The following LARGE1 variants were observed in gnomAD, a reference collection of about 807,000 sequenced individuals.
The protein encoded by LARGE1 is LARGE xylosyl- and glucuronyltransferase 1, also known as xylosyl- and glucuronyltransferase LARGE1.
Under a neutral mutation model 87.6 loss-of-function variants are expected in LARGE1, and 43 were observed. The ratio of observed to expected loss-of-function variants is 0.49; its 90% CI spans 0.38 to 0.63. LARGE1 has a LOEUF of 0.63. Among genes scored for constraint, LARGE1 ranks in the 30% least tolerant of loss-of-function variants. LARGE1 has a pLI of 0.00. For synonymous variants in LARGE1, 434 were observed against 394.6 expected (o/e 1.10, Z -1.18); for missense variants, 802 against 1,000.2 (o/e 0.80, Z 2.67).
chr22:33,506,481 G>A (rs1358096334), intron 6 of LARGE1, among the ~76,000 whole-genome samples: 2 of 152,176 alleles, frequency 1.3e-5, no homozygotes, highest in Non-Finnish European at 2.9e-5. Context: ...GAGGAGCTGA[G>A]AAAGGGGCAT....
intron 7 of LARGE1, among the ~76,000 whole-genome samples, chr22:33,420,953 C>T (rs977182178): frequency 5.3e-5 from 8 of 152,076 alleles, no homozygotes; most frequent in African/African-American, 1.9e-4. Context: ...TTTGGGAGGC[C>T]GAGGGGGGTG....
chr22:33,660,878 C>T (rs1029692915), intron 2 of LARGE1, among the ~76,000 whole-genome samples: 1 of 152,146 alleles, frequency 6.6e-6, no homozygotes, highest in African/African-American at 2.4e-5. Flanking sequence ...TTTTTTAAAA[C>T]CTTTGCAATA....
chr22:33,726,025 C>A (rs1201544141), intron 2 of LARGE1: 1 of 151,762 alleles, frequency 6.6e-6, no homozygotes, highest in Non-Finnish European at 1.5e-5. Flanking sequence ...CTCCCTGCCC[C>A]CCATAAGGAA....
chr22:33,883,607 C>T (rs2146776048), intron 1 of LARGE1, among the ~76,000 whole-genome samples: 1 of 152,382 alleles, frequency 6.6e-6, no homozygotes, highest in South Asian at 2.1e-4. Context: ...GTCATCCTCT[C>T]CCAATACTTT....
intron 1 of LARGE1, among the ~76,000 whole-genome samples, chr22:33,902,457 C>T (rs1257876014): frequency 2.6e-5 from 4 of 152,212 alleles, no homozygotes; most frequent in Admixed American, 6.5e-5. Flanking sequence ...AATTCCAACA[C>T]GGCAGCACTG....
chr22:33,711,886 C>T (rs1305429767), intron 2 of LARGE1, among the ~76,000 whole-genome samples: 2 of 152,122 alleles, frequency 1.3e-5, no homozygotes, highest in Non-Finnish European at 2.9e-5. Context: ...CTCTTGAACT[C>T]CCGGCCTCAA....
intron 2 of LARGE1, among the ~76,000 whole-genome samples, chr22:33,655,402 G>C (rs2080931572): frequency 6.6e-6 from 1 of 152,030 alleles, no homozygotes. Context: ...GATCTTCCTG[G>C]GTCTCGAGCC....
chr22:33,187,299 C>T (rs1452033756), intron 11 of LARGE1, among the ~76,000 whole-genome samples: 2 of 152,166 alleles, frequency 1.3e-5, no homozygotes, highest in East Asian at 3.8e-4. Context: ...ATAATGAATA[C>T]TATCCAGCTT....
chr22:33,530,484 A>G (rs2072145018), intron 6 of LARGE1, among the ~76,000 whole-genome samples: 1 of 140,270 alleles, frequency 7.1e-6, no homozygotes, highest in African/African-American at 2.7e-5. Flanking sequence ...TTTTTTAGCC[A>G]TCAGATAAGT....
At chr22:33,148,401 C>G in the LARGE1 span, among the ~76,000 whole-genome samples, 1 of 152,266 alleles carries the variant, frequency 6.6e-6, no homozygotes, top group Non-Finnish European at 1.5e-5. Flanking sequence ...TTGTGTTCAT[C>G]AATATTTTTT....
At chr22:33,770,767 G>GT (rs2085044663) in intron 1 of LARGE1, among the ~76,000 whole-genome samples, 1 of 152,218 alleles carries the variant, frequency 6.6e-6, no homozygotes, top group South Asian at 2.1e-4. Context: ...AATTTTATGT[G>GT]TATGTGTGTG....
chr22:33,322,698 C>T (rs2146374535), intron 10 of LARGE1: 1 of 152,332 alleles, frequency 6.6e-6, no homozygotes, highest in African/African-American at 2.4e-5. Flanking sequence ...ACCTCCAGCT[C>T]TGAACTTCAT....
At chr22:33,715,896 C>G (rs1479387147) in intron 2 of LARGE1, among the ~76,000 whole-genome samples, 1 of 152,216 alleles carries the variant, frequency 6.6e-6, no homozygotes, top group Admixed American at 6.5e-5. Flanking sequence ...TTTCACTGTT[C>G]TGAAACCAGC....
chr22:33,272,604 T>C lies in LARGE1; in HGVS notation c.*1823A>G, dbSNP rs969688294. On this transcript the variant is annotated 3_prime_UTR_variant, in exon 15 of 15. Coordinates refer to ENST00000397394, the MANE Select transcript of LARGE1 (RefSeq NM_133642.5). ...TATACTTGTATGCTCTGTCTACATA[T>C]ATATTTACATACATACATAAGCCTA... 6.6e-6 allele frequency among the ~76,000 whole-genome samples: 1 copy of C among 152,262 alleles called. No homozygotes were observed. Among genetic ancestry groups the C allele is most frequent in the East Asian group, 1.9e-4 (1 of 5,208 alleles).
intron 7 of LARGE1, among the ~76,000 whole-genome samples, chr22:33,407,317 G>T (rs368571431): frequency 6.6e-6 from 1 of 152,158 alleles, no homozygotes; most frequent in East Asian, 1.9e-4. Context: ...GCACCACTGT[G>T]CCCAGCAGGA....
In LARGE1 at chr22:33,318,265, T is replaced by A. The variant is rs980294285; in HGVS notation, c.1288-2017A>T. Among the ~76,000 whole-genome samples, 3 of 151,174 alleles carry A rather than the reference T, an allele frequency of 2.0e-5. No individual in the cohort carries two copies. In the South Asian group the frequency reaches 6.3e-4, roughly 32 times the overall value. On this transcript the variant is annotated intron_variant, in intron 10 of 14. Transcript: ENST00000397394. ...AAAAAAAAAAGAATGGGAGGACTTG[T>A]CGGAGGCAATCTGTATTTCCATAAA...
At chr22:33,475,500 T>C (rs1397827407) in intron 6 of LARGE1, among the ~76,000 whole-genome samples, 1 of 151,678 alleles carries the variant, frequency 6.6e-6, no homozygotes, top group Admixed American at 6.6e-5. Context: ...TCGCTCTTGT[T>C]GCCCAGGCTG....
chr22:33,300,529 C>A (rs1934006931), intron 12 of LARGE1, among the ~76,000 whole-genome samples: 1 of 152,130 alleles, frequency 6.6e-6, no homozygotes, highest in Admixed American at 6.5e-5. Flanking sequence ...GCATGTTCCA[C>A]AATGCTCAGC....
chr22:33,504,899 G>T (rs554815727), intron 6 of LARGE1, among the ~76,000 whole-genome samples: 2 of 152,162 alleles, frequency 1.3e-5, no homozygotes, highest in African/African-American at 4.8e-5. Flanking sequence ...AATCATATTC[G>T]CAGGCAAGCA....
Sources: allele counts gnomAD v4.1 joint callset (sites outside exome capture counted in the v4.1 genomes callset), GRCh38; gene constraint gnomAD v4.1.1; transcripts MANE v1.5; gene names NCBI Gene and HGNC (gene_info 2026-07-23, HGNC 2026-07-21).